PDE1A: variants seen among roughly 807,000 people sequenced by gnomAD.
PDE1A encodes the protein phosphodiesterase 1A, also known as dual specificity calcium/calmodulin-dependent 3',5'-cyclic nucleotide phosphodiesterase 1A.
Under a neutral mutation model 61.7 loss-of-function variants are expected in PDE1A, and 35 were observed. The ratio of observed to expected loss-of-function variants is 0.57; its 90% CI spans 0.43 to 0.75. The LOEUF (loss-of-function observed/expected upper bound fraction) is 0.75. PDE1A is among the 30% of genes least tolerant of loss of function. PDE1A has a pLI of 0.00. For missense variants in PDE1A, 597 were observed against 630.6 expected (o/e 0.95, Z 0.57); for synonymous variants, 232 against 213.2 (o/e 1.09, Z -0.77).
At chr2:182,447,118 T>TACACAC (rs143408471) in intron 2 of PDE1A, among the ~76,000 whole-genome samples, 7,105 of 149,350 alleles carry the variant, frequency 0.048, 178 homozygotes, top group South Asian at 0.071. Flanking sequence ...TTTTTTCACT[T>TACACAC]ACACACACAC....
chr2:182,288,713 A>G (rs1053607569), intron 1 of PDE1A, among the ~76,000 whole-genome samples: 3 of 152,038 alleles, frequency 2.0e-5, no homozygotes, highest in Non-Finnish European at 4.4e-5. Context: ...GTTATCCAAA[A>G]GGAGCTGCCA....
chr2:182,256,174 C>T (rs535675508), intron 2 of PDE1A, among the ~76,000 whole-genome samples: 17 of 140,616 alleles, frequency 1.2e-4, no homozygotes, highest in African/African-American at 2.8e-4. Flanking sequence ...CATGCTGGTG[C>T]GCTGCACCCA....
chr2:182,403,650 C>A (rs1702141940), intron 1 of PDE1A, among the ~76,000 whole-genome samples: 1 of 150,640 alleles, frequency 6.6e-6, no homozygotes, highest in Non-Finnish European at 1.5e-5. Context: ...GAATACTATG[C>A]AGCCATAAAA....
intron 2 of PDE1A, among the ~76,000 whole-genome samples, chr2:182,471,452 C>T (rs1001117902): frequency 6.6e-6 from 1 of 151,690 alleles, no homozygotes; most frequent in East Asian, 1.9e-4. Context: ...TGAATTATGA[C>T]TTCTCAAATT....
rs567837838 is a variant in PDE1A, at chr2:182,206,747, G to T, written c.777-682C>A. ...TTAGGGGAGGGACCTGGTGGGAGGT[G>T]ATTGGATCTTGGGGGCAGACTTCCC... On this transcript the variant is annotated intron_variant, in intron 7 of 13. Transcript: ENST00000351439. Among the ~76,000 whole-genome samples the T allele has an allele frequency of 3.6e-4, 55 of 152,304 alleles. No individual in the cohort carries two copies. In the Middle Eastern group the frequency reaches 0.017, roughly 47 times the overall value.
At chr2:182,605,993 C>T in the PDE1A span, among the ~76,000 whole-genome samples, 105 of 152,220 alleles carry the variant, frequency 6.9e-4, 1 homozygote, top group African/African-American at 2.4e-3. Flanking sequence ...GACTTATCTC[C>T]TGTGACTTTG....
rs116732599 is a variant in PDE1A, at chr2:182,399,585, C to A, written c.53+26993G>T. Among the ~76,000 whole-genome samples, 1,483 of 152,066 alleles carry A rather than the reference C, an allele frequency of 9.8e-3. 25 individuals carry two copies. Among genetic ancestry groups the A allele is most frequent in the African/African-American group, 0.034 (1,403 of 41,516 alleles). ...TATCAATTGTAATAGTATATGTATC[C>A]TTTTACAATTTTCTCAATGTTCAAC... On this transcript the variant is annotated intron_variant, in intron 1 of 13. Transcript: ENST00000351439.
At chr2:182,541,126 A>T in the PDE1A span, among the ~76,000 whole-genome samples, 1 of 152,220 alleles carries the variant, frequency 6.6e-6, no homozygotes, top group Non-Finnish European at 1.5e-5. Flanking sequence ...CAAAACATAT[A>T]CAACAATATC....
intron 10 of PDE1A, among the ~76,000 whole-genome samples, chr2:182,193,838 G>C (rs1170468473): frequency 6.6e-6 from 1 of 151,942 alleles, no homozygotes; most frequent in African/African-American, 2.4e-5. Context: ...TACATTTAAA[G>C]TTATCTTGGC....
In PDE1A at chr2:182,169,942, T is replaced by A. The variant is rs919697984; in HGVS notation, c.1517-1652A>T. Among the ~76,000 whole-genome samples, 7 of 83,764 alleles carry A rather than the reference T, an allele frequency of 8.4e-5. No homozygotes were observed. In the East Asian group the frequency reaches 2.5e-3, roughly 29 times the overall value. 55.0% of individuals were successfully genotyped at this position (83,764 alleles called of 152,430 possible). On this transcript the variant is annotated intron_variant, in intron 13 of 13. Transcript: ENST00000351439. Reference sequence around the variant, plus strand: ...CACACGCACACACACACACACACTCTCCCTCTCTCTCTTTCTCTTTCATAC... The same window carrying A: ...CACACGCACACACACACACACACTCACCCTCTCTCTCTTTCTCTTTCATAC...
chr2:182,193,367 T>C (rs1413886010), intron 10 of PDE1A, among the ~76,000 whole-genome samples: 1 of 152,056 alleles, frequency 6.6e-6, no homozygotes, highest in Non-Finnish European at 1.5e-5. Context: ...CATTGAAACT[T>C]CAATTTTGGA....
intron 2 of PDE1A, among the ~76,000 whole-genome samples, chr2:182,490,682 AT>A (rs2125880165): frequency 6.6e-6 from 1 of 152,222 alleles, no homozygotes; most frequent in South Asian, 2.1e-4. Flanking sequence ...CAAGATTTTT[AT>A]TTTTTTAACC....
chr2:182,644,552 C>A, the PDE1A span, among the ~76,000 whole-genome samples: 1 of 152,046 alleles, frequency 6.6e-6, no homozygotes, highest in African/African-American at 2.4e-5. Flanking sequence ...GAAGTACAAT[C>A]CATGGTGTGG....
chr2:182,188,453 G>C (rs944314618), intron 11 of PDE1A, among the ~76,000 whole-genome samples: 1 of 152,208 alleles, frequency 6.6e-6, no homozygotes, highest in Non-Finnish European at 1.5e-5. Flanking sequence ...GACTGGACTT[G>C]AAGTCCCCAA....
intron 10 of PDE1A, among the ~76,000 whole-genome samples, chr2:182,196,561 A>G (rs142221359): frequency 1.1e-4 from 16 of 151,934 alleles, no homozygotes; most frequent in African/African-American, 3.4e-4. Flanking sequence ...CACTTGTATA[A>G]TACTTGATTA....
At chr2:182,150,565 AG>A (rs1254459921) in intron 13 of PDE1A, among the ~76,000 whole-genome samples, 2 of 152,256 alleles carry the variant, frequency 1.3e-5, no homozygotes, top group African/African-American at 4.8e-5. Flanking sequence ...GTGAAAATAA[AG>A]GAACATCAAT....
intron 1 of PDE1A, among the ~76,000 whole-genome samples, chr2:182,345,537 C>T (rs544680518): frequency 5.0e-4 from 76 of 152,108 alleles, no homozygotes; most frequent in African/African-American, 1.8e-3. Flanking sequence ...ACTTAAGAGA[C>T]TCTACACAGC....
chr2:182,349,246 T>C (rs1328301390), intron 1 of PDE1A, among the ~76,000 whole-genome samples: 2 of 152,124 alleles, frequency 1.3e-5, no homozygotes, highest in Admixed American at 6.6e-5. Flanking sequence ...ACTTAATTTT[T>C]TAACTACCAT....
At chr2:182,633,962 G>A in the PDE1A span, among the ~76,000 whole-genome samples, 3 of 151,972 alleles carry the variant, frequency 2.0e-5, no homozygotes, top group Non-Finnish European at 4.4e-5. Flanking sequence ...GGTGGTGTGC[G>A]CCTGTAGTCC....
Sources: allele counts gnomAD v4.1 joint callset (sites outside exome capture counted in the v4.1 genomes callset), GRCh38; gene constraint gnomAD v4.1.1; transcripts MANE v1.5; gene names NCBI Gene and HGNC (gene_info 2026-07-23, HGNC 2026-07-21).